SNX14: variants seen among roughly 807,000 people sequenced by gnomAD.
SNX14 encodes sorting nexin-14.
Under a neutral mutation model 133.8 loss-of-function variants are expected in SNX14, and 93 were observed. The ratio of observed to expected loss-of-function variants is 0.70; its 90% confidence interval spans 0.59 to 0.83. The LOEUF is 0.83. Among genes scored for constraint, SNX14 ranks in the 40% least tolerant of loss-of-function variants. SNX14 has a pLI of 0.00. For missense variants in SNX14, 945 were observed against 1,094.9 expected (o/e 0.86, Z 1.93); for synonymous variants, 368 against 365.6 (o/e 1.01, Z -0.07).
chr6:85,535,028 C>CTTTT (rs35936403), intron 17 of SNX14, among the ~76,000 whole-genome samples: 1 of 124,140 alleles, frequency 8.1e-6, no homozygotes. Flanking sequence ...TCTATCCATA[C>CTTTT]TTTTTTTTTT....
At chr6:85,550,719 A>C (rs1394209589) in intron 7 of SNX14, among the ~76,000 whole-genome samples, 1 of 151,650 alleles carries the variant, frequency 6.6e-6, no homozygotes, top group Non-Finnish European at 1.5e-5. Flanking sequence ...GGCTGGTCTC[A>C]AACTTCTGAA....
intron 1 of SNX14, among the ~76,000 whole-genome samples, chr6:85,586,542 T>G (rs1011886336): frequency 6.6e-6 from 1 of 152,142 alleles, no homozygotes; most frequent in Non-Finnish European, 1.5e-5. Flanking sequence ...TATTGTTAAT[T>G]TTGTAATATT....
intron 1 of SNX14, among the ~76,000 whole-genome samples, chr6:85,583,496 G>C (rs1029659158): frequency 1.2e-4 from 19 of 152,300 alleles, no homozygotes; most frequent in African/African-American, 4.6e-4. Flanking sequence ...TGTATATTTA[G>C]AAAACCCCAT....
intron 13 of SNX14, 64 bp from the exon 14 acceptor site, chr6:85,543,370 C>A: frequency 7.2e-7 from 1 of 1,390,260 alleles, no homozygotes; most frequent in Non-Finnish European, 9.6e-7. Flanking sequence ...AGTTCTAAAA[C>A]GTTTTACTGA....
At chr6:85,516,964 T>C (rs1389245306) in intron 23 of SNX14, among the ~76,000 whole-genome samples, 1 of 152,102 alleles carries the variant, frequency 6.6e-6, no homozygotes, top group East Asian at 1.9e-4. Context: ...AAAGGTTATC[T>C]ATTAATACAA....
chr6:85,584,372 T>C (rs1025620297), intron 1 of SNX14, among the ~76,000 whole-genome samples: 5 of 152,042 alleles, frequency 3.3e-5, no homozygotes, highest in African/African-American at 1.2e-4. Context: ...CCAAAAGCAA[T>C]GGCAACAAAG....
At chr6:85,582,985 G>T (rs1351733540) in intron 1 of SNX14, among the ~76,000 whole-genome samples, 1 of 152,048 alleles carries the variant, frequency 6.6e-6, no homozygotes, top group African/African-American at 2.4e-5. Context: ...AAAATTTCAG[G>T]CCAATATCCC....
rs763228014 is a variant in SNX14 at position 85,514,109 on chromosome 6, G to T, written c.2518C>A (p.Gln840Lys). 1 of 1,613,676 alleles carries T rather than the reference G, an allele frequency of 6.2e-7. No individual in the cohort carries two copies. The highest frequency in any genetic ancestry group is 1.1e-5 in the South Asian group (1 of 90,936). Residue 840 changes from glutamine to lysine, a missense_variant, in exon 25 of 29, where the codon CAG becomes AAG. Gln to Lys is a moderately conservative substitution (Grantham distance 53, BLOSUM62 1). This residue lies in a region of SNX14 where 412 missense variants were observed against 516.6 expected (regional missense o/e 0.80). Coordinates refer to ENST00000314673, the MANE Select transcript of SNX14 (RefSeq NM_153816.6). Reference sequence around the variant, plus strand: ...ATGAGTGAGACCAAACGGTGCTCCTGAAATAGCTGTTCTAGTTTACACTGA... The same window carrying T: ...ATGAGTGAGACCAAACGGTGCTCCTTAAATAGCTGTTCTAGTTTACACTGA... The part of the protein sequence containing the change: ...YLQCKLEQLF[Q>K]EHRLVSLITL...
At chr6:85,567,223 C>T (rs1794166345) in intron 5 of SNX14, among the ~76,000 whole-genome samples, 1 of 152,138 alleles carries the variant, frequency 6.6e-6, no homozygotes, top group Admixed American at 6.5e-5. Flanking sequence ...TTGACTGATG[C>T]CTACATCAGT....
intron 7 of SNX14, among the ~76,000 whole-genome samples, chr6:85,554,293 CATATACACACATGTGTATAT>C (rs1197015623): frequency 1.3e-5 from 2 of 151,388 alleles, no homozygotes; most frequent in South Asian, 2.1e-4. Flanking sequence ...TCATATATTT[CATATACACACATGTGTATAT>C]ATATACACAC....
chr6:85,536,540 C>A (rs369615031), intron 17 of SNX14, among the ~76,000 whole-genome samples: 2 of 152,248 alleles, frequency 1.3e-5, no homozygotes, highest in South Asian at 4.1e-4. Context: ...CTCAGCTTAA[C>A]AGGAACTATT....
intron 14 of SNX14, 69 bp from the exon 15 acceptor site, chr6:85,542,112 T>C: frequency 6.4e-6 from 7 of 1,093,070 alleles, no homozygotes; most frequent in Non-Finnish European, 8.9e-6. Context: ...GTTACCTTAG[T>C]TTACTACTTT....
chr6:85,529,445 G>T (rs1779566287), intron 19 of SNX14, among the ~76,000 whole-genome samples: 1 of 152,114 alleles, frequency 6.6e-6, no homozygotes, highest in Non-Finnish European at 1.5e-5. Flanking sequence ...CTCAGATAGG[G>T]CTGGCTTTAG....
chr6:85,574,116 AAAC>A, intron 2 of SNX14, 139 bp downstream of exon 2: 1 of 503,364 alleles, frequency 2.0e-6, no homozygotes, highest in Non-Finnish European at 2.8e-6. Context: ...TACCTAAAAA[AAAC>A]AAAAAAAAAA....
At chr6:85,540,502 A>G (rs1288374514) in intron 15 of SNX14, among the ~76,000 whole-genome samples, 2 of 152,240 alleles carry the variant, frequency 1.3e-5, no homozygotes, top group African/African-American at 4.8e-5. Context: ...AAATAGCATG[A>G]ATATGATTTT....
At position 85,584,844 on chromosome 6, in the gene SNX14, T is replaced by C. The variant is rs1257316257; in HGVS notation, c.140+8735A>G. ...ACCATTGTGGAAGACAGTGTGGTGATTCCTTAAGGATCTAGAACCAGAAAT... is the reference window on the plus strand; with the variant it reads ...ACCATTGTGGAAGACAGTGTGGTGACTCCTTAAGGATCTAGAACCAGAAAT... On this transcript the variant is annotated intron_variant, in intron 1 of 28. Transcript: ENST00000314673. 2.6e-5 allele frequency among the ~76,000 whole-genome samples: 4 copies of C among 152,224 alleles called. No individual in the cohort carries two copies. The East Asian group carries it at 7.7e-4, about 29-fold the overall frequency.
rs540396169 is a variant in SNX14 at position 85,590,569 on chromosome 6, C to T, written c.140+3010G>A. On this transcript the variant is annotated intron_variant, in intron 1 of 28. Coordinates refer to ENST00000314673, the MANE Select transcript of SNX14 (RefSeq NM_153816.6). ...TGTTGGTCAGCAGAGGCTTTTTCTC[C>T]GGTTCTCTTGACATTTTTTAAGCCA... Among the ~76,000 whole-genome samples, 16 of 152,264 alleles carry T rather than the reference C, an allele frequency of 1.1e-4. No homozygotes were observed. The East Asian group carries it at 1.2e-3, about 11-fold the overall frequency.
At chr6:85,567,395 C>G (rs1794223587) in intron 5 of SNX14, 139 bp downstream of exon 5, 8 of 633,964 alleles carry the variant, frequency 1.3e-5, no homozygotes, top group Non-Finnish European at 2.1e-5. Flanking sequence ...GCCCCCAAAA[C>G]AAATAATTAT....
chr6:85,555,434 A>T (rs908993861), intron 7 of SNX14, among the ~76,000 whole-genome samples: 1 of 152,212 alleles, frequency 6.6e-6, no homozygotes, highest in African/African-American at 2.4e-5. Flanking sequence ...ATGAAAAGAT[A>T]GAGGTTAAAT....
Sources: gnomAD v4.1 joint callset for allele counts (sites outside exome capture counted in the v4.1 genomes callset) on GRCh38, gnomAD v4.1.1 for gene constraint, gnomAD v4.1.1 regional missense constraint, MANE v1.5 for transcripts, NCBI Gene and HGNC (gene_info 2026-07-23, HGNC 2026-07-21) for gene names.